Variants in RGPD3 observed in about 807,000 individuals in gnomAD.
RGPD3 encodes ranBP2-like and GRIP domain-containing protein 3.
Under a neutral mutation model 154.5 loss-of-function variants are expected in RGPD3, and 62 were observed. That is an observed-to-expected ratio of 0.40 (90% confidence interval 0.33 to 0.50). The LOEUF (loss-of-function observed/expected upper bound fraction) is 0.50. Among genes scored for constraint, RGPD3 ranks in the 20% least tolerant of loss-of-function variants. RGPD3 has a pLI of 0.59. For missense variants in RGPD3, 919 were observed against 1,716.8 expected (o/e 0.54, Z 8.21); for synonymous variants, 308 against 607.0 (o/e 0.51, Z 7.24).
At chr2:106,448,276 C>CT (rs1167833646) in intron 6 of RGPD3, among the ~76,000 whole-genome samples, 7 of 152,118 alleles carry the variant, frequency 4.6e-5, no homozygotes, top group South Asian at 2.1e-4. Flanking sequence ...CCCCGCTAAA[C>CT]TTTTTTTATA....
chr2:106,413,626 G>A (rs183706307), intron 21 of RGPD3, among the ~76,000 whole-genome samples: 1 of 152,302 alleles, frequency 6.6e-6, no homozygotes, highest in African/African-American at 2.4e-5. Flanking sequence ...AAGGAAGAGG[G>A]GTGAAGTAGA....
chr2:106,410,054 T>A (rs1676624955), intron 22 of RGPD3, among the ~76,000 whole-genome samples: 1 of 151,678 alleles, frequency 6.6e-6, no homozygotes, highest in Middle Eastern at 3.2e-3. Context: ...TTTTGTATTC[T>A]GAGTAGAGAG....
intron 22 of RGPD3, among the ~76,000 whole-genome samples, chr2:106,410,712 T>G (rs1385103202): frequency 2.0e-5 from 3 of 152,172 alleles, no homozygotes; most frequent in Non-Finnish European, 4.4e-5. Flanking sequence ...GCAGTTTTAC[T>G]CTTAGGTGAC....
At chr2:106,411,833 C>T (rs902518765) in intron 22 of RGPD3, among the ~76,000 whole-genome samples, 6 of 151,976 alleles carry the variant, frequency 3.9e-5, no homozygotes, top group Admixed American at 3.9e-4. Context: ...AACAAAAACA[C>T]AACAACAAAA....
chr2:106,467,937 C>G (rs1384725643), intron 1 of RGPD3, among the ~76,000 whole-genome samples: 3 of 137,036 alleles, frequency 2.2e-5, no homozygotes, highest in Admixed American at 1.4e-4. Flanking sequence ...CAGCGCCCGT[C>G]GGGAGCCATG....
chr2:106,423,889 GACTAAAA>G lies in RGPD3; in HGVS notation c.4071_4077del (p.Phe1358ThrfsTer23). The G allele has an allele frequency of 6.2e-7, 1 of 1,611,764 alleles. No homozygotes were observed. The highest frequency in any genetic ancestry group is 1.1e-5 in the South Asian group (1 of 90,948). On this transcript the variant is annotated frameshift_variant, in exon 20 of 23. Transcript: ENST00000409886. LOFTEE classifies it high-confidence loss of function. ...TCATATCTGTAGAATTCTGCCCTGT[GACTAAAA>G]ACAACTTGTTCATTTTCCTCACCAC... is the stretch of plus-strand genomic sequence containing the variant.
At chr2:106,436,623 AAAAATTAAAC>A (rs1677567569) in intron 10 of RGPD3, 34 bp from the exon 11 acceptor site, 1 of 1,610,822 alleles carries the variant, frequency 6.2e-7, no homozygotes, top group Admixed American at 1.7e-5. Flanking sequence ...AGTTAGAAAA[AAAAATTAAAC>A]AAAATTCAGA....
At chr2:106,414,531 G>T (rs1573242111) in intron 21 of RGPD3, among the ~76,000 whole-genome samples, 1 of 148,926 alleles carries the variant, frequency 6.7e-6, no homozygotes, top group African/African-American at 2.5e-5. Context: ...CTGAGGCAGG[G>T]GAATCGCTTG....
chr2:106,441,305 G>A lies in RGPD3; in HGVS notation c.1054C>T (p.Leu352=). Residue 352 remains leucine (L), a synonymous_variant, in exon 8 of 23, where the codon CTG becomes TTG. Coordinates refer to ENST00000409886, the MANE Select transcript of RGPD3 (RefSeq NM_001144013.2). Reference sequence around the variant, plus strand: ...ATATTACTATTACCTGATTGGCTCAGTCGGTCACAGGCCATCATTTCCAGC... The same window carrying A: ...ATATTACTATTACCTGATTGGCTCAATCGGTCACAGGCCATCATTTCCAGC... ...NLLEMMACDR[L]SQSGHMLLNL... is the part of the protein sequence containing the mutation. 2.6e-6 allele frequency: 4 copies of A among 1,548,632 alleles called. No individual in the cohort carries two copies. Among genetic ancestry groups the A allele is most frequent in the Non-Finnish European group, 3.5e-6 (4 of 1,142,920 alleles).
intron 7 of RGPD3, among the ~76,000 whole-genome samples, chr2:106,442,462 C>A (rs1178128394): frequency 4.7e-5 from 5 of 107,020 alleles, no homozygotes; most frequent in Admixed American, 1.0e-4. Flanking sequence ...ATGGGACAAC[C>A]AGGAAATTAA....
intron 3 of RGPD3, 126 bp downstream of exon 3, chr2:106,457,441 A>G (rs1678266874): frequency 6.5e-7 from 1 of 1,545,038 alleles, no homozygotes; most frequent in Admixed American, 1.8e-5. Flanking sequence ...TGTGTCACAT[A>G]ACTGTACTAT....
intron 18 of RGPD3, among the ~76,000 whole-genome samples, chr2:106,426,791 C>G (rs1302990564): frequency 6.6e-6 from 1 of 152,238 alleles, no homozygotes; most frequent in Non-Finnish European, 1.5e-5. Flanking sequence ...AAAGATCTTT[C>G]ATGCCTGTAC....
intron 1 of RGPD3, among the ~76,000 whole-genome samples, chr2:106,461,438 G>A (rs1198403146): frequency 1.3e-5 from 2 of 152,212 alleles, no homozygotes; most frequent in African/African-American, 2.4e-5. Flanking sequence ...TGAATATGTT[G>A]GACAAAGGGA....
intron 20 of RGPD3, 140 bp from the exon 21 acceptor site, chr2:106,416,129 A>G (rs924299739): frequency 2.8e-4 from 386 of 1,402,468 alleles, no homozygotes; most frequent in Non-Finnish European, 3.5e-4. Flanking sequence ...TCTATTCGGC[A>G]TACCTCAATC....
intron 21 of RGPD3, among the ~76,000 whole-genome samples, chr2:106,415,287 G>C (rs537912239): frequency 1.8e-3 from 274 of 151,338 alleles, no homozygotes; most frequent in African/African-American, 6.3e-3. Flanking sequence ...AAGCATATGT[G>C]AACAATGATT....
chr2:106,457,312 G>A (rs1383853275), intron 3 of RGPD3, among the ~76,000 whole-genome samples, 189 bp from the exon 4 acceptor site: 1 of 152,240 alleles, frequency 6.6e-6, no homozygotes, highest in African/African-American at 2.4e-5. Flanking sequence ...TTCTGGAAAT[G>A]AACCAAATAA....
chr2:106,414,531 G>A (rs1573242111), intron 21 of RGPD3, among the ~76,000 whole-genome samples: 1 of 148,928 alleles, frequency 6.7e-6, no homozygotes, highest in African/African-American at 2.5e-5. Flanking sequence ...CTGAGGCAGG[G>A]GAATCGCTTG....
intron 1 of RGPD3, among the ~76,000 whole-genome samples, chr2:106,466,180 C>T (rs1481101694): frequency 6.6e-6 from 1 of 152,030 alleles, no homozygotes; most frequent in East Asian, 1.9e-4. Flanking sequence ...CGGGAACAAG[C>T]CGGGAGAAAG....
upstream of RGPD3, among the ~76,000 whole-genome samples, chr2:106,469,643 G>A (rs1223375222): frequency 3.3e-5 from 5 of 152,124 alleles, no homozygotes; most frequent in African/African-American, 9.7e-5. Flanking sequence ...TTCCCAGGTC[G>A]TTCAGAGAAT....
Sources: gnomAD v4.1 joint callset for allele counts (sites outside exome capture counted in the v4.1 genomes callset) on GRCh38, gnomAD v4.1.1 for gene constraint, MANE v1.5 for transcripts, NCBI Gene and HGNC (gene_info 2026-07-23, HGNC 2026-07-21) for gene names.